SCAF8: variants seen among roughly 807,000 people sequenced by gnomAD.
SCAF8 encodes SR-related CTD associated factor 8.
Under a neutral mutation model 140.5 loss-of-function variants are expected in SCAF8, and 23 were observed. The observed-to-expected ratio is 0.16, with a 90% confidence interval of 0.12 to 0.23. The LOEUF is 0.23. SCAF8 is among the 10% of genes least tolerant of loss of function. The pLI, the probability that SCAF8 is intolerant of heterozygous loss-of-function variation, is 1.00. For missense variants in SCAF8, 1,397 were observed against 1,555.7 expected (o/e 0.90, Z 1.72); for synonymous variants, 575 against 528.9 (o/e 1.09, Z -1.20).
chr6:154,768,370 A>G (rs943962186), intron 1 of SCAF8, among the ~76,000 whole-genome samples: 1 of 152,202 alleles, frequency 6.6e-6, no homozygotes. Flanking sequence ...ACCTTCGAGA[A>G]CTGCAAGATA....
At chr6:154,772,754 CTTT>C (rs111429423) in intron 1 of SCAF8, among the ~76,000 whole-genome samples, 3 of 151,892 alleles carry the variant, frequency 2.0e-5, no homozygotes, top group Non-Finnish European at 4.4e-5. Context: ...CATTAGAGCC[CTTT>C]TTTTGTTTTT....
intron 18 of SCAF8, among the ~76,000 whole-genome samples, chr6:154,827,843 G>GC (rs1157895989): frequency 2.0e-5 from 3 of 150,018 alleles, no homozygotes; most frequent in Admixed American, 6.6e-5. Flanking sequence ...GCGGGGGGGG[G>GC]GGCGGTGTAA....
intron 1 of SCAF8, among the ~76,000 whole-genome samples, chr6:154,739,001 ATTGT>A: frequency 6.6e-6 from 1 of 152,172 alleles, no homozygotes; most frequent in African/African-American, 2.4e-5. Context: ...TGTTGTTGTT[ATTGT>A]TTAAGACTGA....
intron 12 of SCAF8, among the ~76,000 whole-genome samples, chr6:154,813,414 G>A (rs1476006072): frequency 6.6e-6 from 1 of 152,116 alleles, no homozygotes; most frequent in Non-Finnish European, 1.5e-5. Context: ...TTCAGCTTTT[G>A]TGGAGGCTGA....
chr6:154,805,491 A>G lies in SCAF8; in HGVS notation c.981+5A>G. On this transcript the variant is annotated splice_donor_5th_base_variant and intron_variant, in intron 9 of 19. Transcript: ENST00000367178. ...GAGCAGCAACAGCCTCAAAAGGTTT[A>G]TAACCCCATCTTGTGGTCTTTAGAG... is the stretch of plus-strand genomic sequence containing the variant. 1 of 1,538,140 alleles carries G rather than the reference A, an allele frequency of 6.5e-7. No homozygotes were observed. Among genetic ancestry groups the G allele is most frequent in the Non-Finnish European group, 9.0e-7 (1 of 1,115,266 alleles).
chr6:154,805,556 G>C, intron 9 of SCAF8, 70 bp downstream of exon 9: 1 of 772,064 alleles, frequency 1.3e-6, no homozygotes. Flanking sequence ...ATTTTTGTGG[G>C]TTGGCTTTTT....
chr6:154,767,552 T>C (rs1384552921), intron 1 of SCAF8, among the ~76,000 whole-genome samples: 7 of 98,490 alleles, frequency 7.1e-5, no homozygotes, highest in African/African-American at 2.4e-4. Flanking sequence ...TTTTTTTTTT[T>C]TTTTGAGATG....
intron 12 of SCAF8, among the ~76,000 whole-genome samples, chr6:154,812,375 C>T (rs115034036): frequency 1.2e-4 from 17 of 146,262 alleles, no homozygotes; most frequent in African/African-American, 4.3e-4. Context: ...TGCTGTTGCA[C>T]ACTTAATAGG....
At chr6:154,770,301 A>AACAC (rs139254863) in intron 1 of SCAF8, among the ~76,000 whole-genome samples, 4 of 151,030 alleles carry the variant, frequency 2.6e-5, no homozygotes, top group African/African-American at 4.9e-5. Context: ...AAAAAAAGAA[A>AACAC]ACACACACAC....
At chr6:154,828,041 T>C (rs1271224206) in intron 18 of SCAF8, among the ~76,000 whole-genome samples, 1 of 152,164 alleles carries the variant, frequency 6.6e-6, no homozygotes, top group African/African-American at 2.4e-5. Context: ...AAGTCCTTAG[T>C]TTGCATTTTG....
At position 154,788,032 on chromosome 6, in the gene SCAF8, TG is replaced by T; in HGVS notation, c.321+12del. On this transcript the variant is annotated intron_variant, in intron 4 of 19. Transcript: ENST00000367178. ...CCCTGGGGATGACAAGGTATGCTAC[TG>T]GTTTTTTTTTTTTGTTTTTTTAAAA... is the stretch of plus-strand genomic sequence containing the variant. 4.4e-6 allele frequency: 7 copies of T among 1,577,982 alleles called. No homozygotes were observed. Among genetic ancestry groups the T allele is most frequent in the South Asian group, 2.4e-5 (2 of 84,538 alleles).
chr6:154,805,729 C>G (rs955806709), intron 9 of SCAF8, among the ~76,000 whole-genome samples: 18 of 151,436 alleles, frequency 1.2e-4, no homozygotes, highest in African/African-American at 4.4e-4. Flanking sequence ...AAATTGTGTT[C>G]TGGTAACTTA....
rs116390695 is a variant in SCAF8 at position 154,792,994 on chromosome 6, A to G, written c.475+18A>G. 1,677 of 1,579,430 alleles carry G rather than the reference A, an allele frequency of 1.1e-3. 25 individuals carry two copies. The African/African-American group carries it at 0.02, about 19-fold the overall frequency. On this transcript the variant is annotated intron_variant, in intron 5 of 19. Coordinates refer to ENST00000367178, the MANE Select transcript of SCAF8 (RefSeq NM_014892.5). Reference sequence around the variant, plus strand: ...TACTCCAGGTATGTTGCTTTAATATAGATTTGTTGTCTAAATATTCTACTC... The same window carrying G: ...TACTCCAGGTATGTTGCTTTAATATGGATTTGTTGTCTAAATATTCTACTC...
intron 3 of SCAF8, among the ~76,000 whole-genome samples, chr6:154,779,377 T>C (rs1777017236): frequency 6.6e-6 from 1 of 152,182 alleles, no homozygotes; most frequent in African/African-American, 2.4e-5. Context: ...ATAAACTTGA[T>C]GAATAGGAAT....
In SCAF8 at chr6:154,757,560, G is replaced by A. The variant is rs1012323576; in HGVS notation, c.31-16429G>A. Among the ~76,000 whole-genome samples the A allele has an allele frequency of 5.3e-5, 8 of 152,186 alleles. No homozygotes were observed. In the South Asian group the frequency reaches 1.7e-3, roughly 31 times the overall value. ...CCTTATACTAAACTACTGTATGAAAGTCAAATCATCACATGCTTGGATACC... is the reference window on the plus strand; with the variant it reads ...CCTTATACTAAACTACTGTATGAAAATCAAATCATCACATGCTTGGATACC... On this transcript the variant is annotated intron_variant, in intron 1 of 19. Coordinates refer to ENST00000367178, the MANE Select transcript of SCAF8 (RefSeq NM_014892.5).
rs556734203 is a variant in SCAF8, at chr6:154,791,446, T to C, written c.322-1377T>C. On this transcript the variant is annotated intron_variant, in intron 4 of 19. Transcript: ENST00000367178. Reference sequence around the variant, plus strand: ...TAAGTAATTAAATAGAAGTACGTTATAGTATCGCTATAAGAAGAGCTGTAA... The same window carrying C: ...TAAGTAATTAAATAGAAGTACGTTACAGTATCGCTATAAGAAGAGCTGTAA... Among the ~76,000 whole-genome samples, 448 of 152,310 alleles carry C rather than the reference T, an allele frequency of 2.9e-3. 4 individuals are homozygous for C. The highest frequency in any genetic ancestry group is 0.01 in the African/African-American group (436 of 41,566).
intron 16 of SCAF8, among the ~76,000 whole-genome samples, chr6:154,823,534 G>C (rs1778480531): frequency 6.6e-6 from 1 of 152,140 alleles, no homozygotes; most frequent in African/African-American, 2.4e-5. Flanking sequence ...ACTTTGCCTG[G>C]TACGATTGGA....
intron 4 of SCAF8, among the ~76,000 whole-genome samples, chr6:154,789,548 T>A (rs1777352129): frequency 6.7e-6 from 1 of 148,310 alleles, no homozygotes; most frequent in African/African-American, 2.6e-5. Context: ...CTTCTAATTT[T>A]TTTTTTTTTT....
intron 1 of SCAF8, among the ~76,000 whole-genome samples, chr6:154,758,093 G>A (rs192423365): frequency 6.6e-6 from 1 of 151,948 alleles, no homozygotes; most frequent in Admixed American, 6.6e-5. Flanking sequence ...TGTATTTTTG[G>A]TAAAGACAGG....
Sources: allele counts gnomAD v4.1 joint callset (sites outside exome capture counted in the v4.1 genomes callset), GRCh38; gene constraint gnomAD v4.1.1; transcripts MANE v1.5; gene names NCBI Gene and HGNC (gene_info 2026-07-23, HGNC 2026-07-21).